Variants in TACR3 observed in about 807,000 individuals in gnomAD.
The protein encoded by TACR3 is neuromedin-K receptor.
Under a neutral mutation model 35.0 loss-of-function variants are expected in TACR3, and 34 were observed. That is an observed-to-expected ratio of 0.97 (90% CI 0.74 to 1.30). The LOEUF is 1.30. Ranked by LOEUF, TACR3 falls within the 50% of genes most tolerant of loss-of-function variation. The pLI is 0.00. For missense variants in TACR3, 558 were observed against 591.7 expected (o/e 0.94, Z 0.59); for synonymous variants, 233 against 221.1 (o/e 1.05, Z -0.48).
chr4:103,647,224 G>A (rs1725483099), intron 3 of TACR3, among the ~76,000 whole-genome samples: 1 of 151,712 alleles, frequency 6.6e-6, no homozygotes, highest in Non-Finnish European at 1.5e-5. Context: ...TTCAAATTTT[G>A]TTGTATAATT....
In TACR3 at chr4:103,618,564, C is replaced by CTTTTTTTTTTTTTTTTTTTTTTTTTT. The variant is rs57837921; in HGVS notation, c.889-26907_889-26882dup. The stretch of plus-strand genomic sequence containing the variant: ...CTTAGGATTGCTTTGGTGACTTGGG[C>CTTTTTTTTTTTTTTTTTTTTTTTTTT]TTTTTTTTTTTTTTTTTTTTTTTTT... On this transcript the variant is annotated intron_variant, in intron 3 of 4. Transcript: ENST00000304883. 8.1e-5 allele frequency among the ~76,000 whole-genome samples: 5 copies of CTTTTTTTTTTTTTTTTTTTTTTTTTT among 61,450 alleles called. 1 individual carries two copies. Among genetic ancestry groups the CTTTTTTTTTTTTTTTTTTTTTTTTTT allele is most frequent in the African/African-American group, 4.5e-4 (5 of 11,020 alleles). 40.3% of individuals were successfully genotyped at this position (61,450 alleles called of 152,430 possible).
chr4:103,658,510 C>T (rs1183434211), intron 1 of TACR3, 107 bp from the exon 2 acceptor site: 1 of 1,079,200 alleles, frequency 9.3e-7, no homozygotes, highest in Non-Finnish European at 1.4e-6. Flanking sequence ...AGTCATTGCT[C>T]TTTTGGGAAA....
chr4:103,611,134 G>A (rs1724503603), intron 3 of TACR3, among the ~76,000 whole-genome samples: 1 of 151,976 alleles, frequency 6.6e-6, no homozygotes, highest in Non-Finnish European at 1.5e-5. Flanking sequence ...AAAATTTTAG[G>A]ATTGTTTTTC....
chr4:103,686,257 C>A (rs1722235813), intron 1 of TACR3, among the ~76,000 whole-genome samples: 1 of 152,114 alleles, frequency 6.6e-6, no homozygotes, highest in Non-Finnish European at 1.5e-5. Flanking sequence ...ACTTGTAAAC[C>A]TTCTGAATTT....
chr4:103,634,682 A>G (rs1725140377), intron 3 of TACR3, among the ~76,000 whole-genome samples: 1 of 152,102 alleles, frequency 6.6e-6, no homozygotes, highest in Non-Finnish European at 1.5e-5. Flanking sequence ...GGATTTTCGC[A>G]CAGAAATTTG....
intron 1 of TACR3, among the ~76,000 whole-genome samples, chr4:103,701,191 T>A (rs1459633826): frequency 6.6e-6 from 1 of 152,156 alleles, no homozygotes; most frequent in African/African-American, 2.4e-5. Flanking sequence ...GATAGGCAAC[T>A]TCAGCAAAGT....
chr4:103,632,515 A>C lies in TACR3; in HGVS notation c.888+23679T>G, dbSNP rs1315119460. 2.0e-5 allele frequency among the ~76,000 whole-genome samples: 3 copies of C among 151,336 alleles called. No homozygotes were observed. The East Asian group carries it at 5.9e-4, about 30-fold the overall frequency. On this transcript the variant is annotated intron_variant, in intron 3 of 4. Transcript: ENST00000304883. Reference sequence around the variant, plus strand: ...AGAACACATGGACACAGGAAGGAGAACAACATACAGCAGGGTCTGTTGGTG... The same window carrying C: ...AGAACACATGGACACAGGAAGGAGACCAACATACAGCAGGGTCTGTTGGTG...
intron 1 of TACR3, among the ~76,000 whole-genome samples, chr4:103,698,239 G>A (rs1175002591): frequency 1.3e-5 from 2 of 151,894 alleles, no homozygotes; most frequent in African/African-American, 2.4e-5. Flanking sequence ...TTATTTTGAA[G>A]GTATAAAAGT....
At chr4:103,614,884 G>GTTTGTTTTT (rs1724601485) in intron 3 of TACR3, among the ~76,000 whole-genome samples, 10 of 72,060 alleles carry the variant, frequency 1.4e-4, no homozygotes, top group African/African-American at 5.4e-4. Context: ...TTATGAATGT[G>GTTTGTTTTT]TTTTTTTTTT....
intron 1 of TACR3, among the ~76,000 whole-genome samples, chr4:103,710,409 T>A (rs113590729): frequency 6.6e-6 from 1 of 152,196 alleles, no homozygotes; most frequent in South Asian, 2.1e-4. Context: ...GAATGACTAC[T>A]GGGTAAATAA....
chr4:103,683,321 C>G (rs1044510454), intron 1 of TACR3, among the ~76,000 whole-genome samples: 1 of 150,772 alleles, frequency 6.6e-6, no homozygotes, highest in Non-Finnish European at 1.5e-5. Flanking sequence ...GGACAAAATG[C>G]ACCCAAAGCA....
chr4:103,690,111 G>A (rs1422781330), intron 1 of TACR3, among the ~76,000 whole-genome samples: 1 of 152,092 alleles, frequency 6.6e-6, no homozygotes, highest in Non-Finnish European at 1.5e-5. Context: ...TCAAAAACAA[G>A]TTGAAATAAA....
Position 103,611,272 on chromosome 4 carries a change from CTTA to C in TACR3, c.889-19592_889-19590del, listed in dbSNP as rs1724505572. 3.3e-5 allele frequency among the ~76,000 whole-genome samples: 5 copies of C among 152,144 alleles called. No individual in the cohort carries two copies. In the South Asian group the frequency reaches 1.0e-3, roughly 32 times the overall value. On this transcript the variant is annotated intron_variant, in intron 3 of 4. Coordinates refer to ENST00000304883, the MANE Select transcript of TACR3 (RefSeq NM_001059.3). Reference sequence around the variant, plus strand: ...TCCAAGAAGATGGGATATTTTTCCACTTATTAGTGTCCTCTTTAGTTGCTTTTG... The same window carrying C: ...TCCAAGAAGATGGGATATTTTTCCACTTAGTGTCCTCTTTAGTTGCTTTTG...
intron 1 of TACR3, among the ~76,000 whole-genome samples, chr4:103,684,010 A>T (rs1359886975): frequency 6.6e-6 from 1 of 152,162 alleles, no homozygotes; most frequent in Non-Finnish European, 1.5e-5. Context: ...ACAGAAAAAA[A>T]ATTTGATGAA....
chr4:103,619,878 CA>C (rs1169520666), intron 3 of TACR3, among the ~76,000 whole-genome samples: 1 of 152,010 alleles, frequency 6.6e-6, no homozygotes, highest in Admixed American at 6.6e-5. Context: ...TCCAAAGTAA[CA>C]AAAACTTGCT....
chr4:103,686,747 A>T (rs1391642931), intron 1 of TACR3, among the ~76,000 whole-genome samples: 2 of 152,172 alleles, frequency 1.3e-5, no homozygotes, highest in Non-Finnish European at 2.9e-5. Flanking sequence ...AGCCACCATT[A>T]ATACGTTTAG....
At chr4:103,647,271 T>C (rs1725483827) in intron 3 of TACR3, among the ~76,000 whole-genome samples, 1 of 152,060 alleles carries the variant, frequency 6.6e-6, no homozygotes, top group South Asian at 2.1e-4. Context: ...ATAATGATTT[T>C]CATACATTGC....
chr4:103,719,021 AC>A, intron 1 of TACR3, 106 bp downstream of exon 1: 1 of 1,475,788 alleles, frequency 6.8e-7, no homozygotes, highest in African/African-American at 1.4e-5. Flanking sequence ...TAGTCTCTTT[AC>A]TTTTATAGAC....
chr4:103,611,427 G>C (rs1212289341), intron 3 of TACR3, among the ~76,000 whole-genome samples: 3 of 152,060 alleles, frequency 2.0e-5, no homozygotes, highest in Admixed American at 1.3e-4. Context: ...TAGAGAGTTT[G>C]CTGTTGGTGA....
Sources: gnomAD v4.1 joint callset for allele counts (sites outside exome capture counted in the v4.1 genomes callset) on GRCh38, gnomAD v4.1.1 for gene constraint, MANE v1.5 for transcripts, NCBI Gene and HGNC (gene_info 2026-07-23, HGNC 2026-07-21) for gene names.